Variants in SLIT3 observed in about 807,000 individuals in gnomAD.
SLIT3 encodes the protein slit homolog 3 protein.
A neutral mutation model predicts 184.0 loss-of-function variants in SLIT3; 68 were observed. The observed-to-expected ratio is 0.37, with a 90% CI of 0.30 to 0.45. The LOEUF is 0.45. Among genes scored for constraint, SLIT3 ranks in the 20% least tolerant of loss-of-function variants. The probability of loss-of-function intolerance (pLI) is 1.00; values close to 1 mark genes in which losing one functional copy is unlikely to be tolerated. For synonymous variants in SLIT3, 831 were observed against 828.6 expected, an observed-to-expected ratio of 1.00 and a Z score of -0.05; for missense variants, 1,707 against 2,026.0, an observed-to-expected ratio of 0.84 and a Z score of 3.02.
chr5:169,180,343 G>A (rs902677469), intron 4 of SLIT3, among the ~76,000 whole-genome samples: 2 of 152,222 alleles, frequency 1.3e-5, no homozygotes, highest in Non-Finnish European at 2.9e-5. Context: ...GTCAGATGAT[G>A]TAGTGCAGGA....
At position 169,269,343 on chromosome 5, in the gene SLIT3, C is replaced by T. The variant is rs117625034; in HGVS notation, c.198-17884G>A. Among the ~76,000 whole-genome samples, 573 of 152,376 alleles carry T rather than the reference C, an allele frequency of 3.8e-3. 17 individuals carry two copies. In the East Asian group the frequency reaches 0.072, roughly 19 times the overall value. On this transcript the variant is annotated intron_variant, in intron 1 of 35. Coordinates refer to ENST00000519560, the MANE Select transcript of SLIT3 (RefSeq NM_003062.4). ...AAGACACAGCTGATGCTGTCTTTGG[C>T]CAGGTGCTTAGCACTGGGCTCCTCC...
intron 7 of SLIT3, among the ~76,000 whole-genome samples, chr5:168,820,366 C>A (rs1233610636): frequency 6.6e-6 from 1 of 152,146 alleles, no homozygotes; most frequent in Non-Finnish European, 1.5e-5. Context: ...ACACTGGCTC[C>A]GTGCTTTCTG....
chr5:169,090,430 C>T (rs369663905), intron 4 of SLIT3, among the ~76,000 whole-genome samples: 19 of 152,290 alleles, frequency 1.2e-4, no homozygotes, highest in African/African-American at 4.6e-4. Context: ...CACGGAGTCA[C>T]AGAGCAGAGC....
chr5:168,782,324 T>C (rs1432056001), intron 12 of SLIT3, among the ~76,000 whole-genome samples: 1 of 152,212 alleles, frequency 6.6e-6, no homozygotes, highest in Non-Finnish European at 1.5e-5. Flanking sequence ...TTCCTATGCA[T>C]GTCATGTGAT....
At chr5:169,027,570 C>A (rs913636314) in intron 4 of SLIT3, among the ~76,000 whole-genome samples, 1 of 152,152 alleles carries the variant, frequency 6.6e-6, no homozygotes, top group East Asian at 1.9e-4. Flanking sequence ...TCAAAAGGCA[C>A]CTTTAATCTG....
In SLIT3 at chr5:168,920,808, A is replaced by AT. The variant is rs34055708; in HGVS notation, c.414-37473dup. Among the ~76,000 whole-genome samples, 993 of 151,698 alleles carry AT rather than the reference A, an allele frequency of 6.5e-3. 10 individuals are homozygous for AT. The highest frequency in any genetic ancestry group is 0.022 in the African/African-American group (898 of 41,336). On this transcript the variant is annotated intron_variant, in intron 4 of 35. Coordinates refer to ENST00000519560, the MANE Select transcript of SLIT3 (RefSeq NM_003062.4). Reference sequence around the variant, plus strand: ...TTAAACTCCAAGTCTCTCTCTCCCTATTTTTTTTAAAAAACAGGAATCAGA... The same window carrying AT: ...TTAAACTCCAAGTCTCTCTCTCCCTATTTTTTTTTAAAAAACAGGAATCAGA...
At chr5:168,738,765 C>T (rs532290976) in intron 20 of SLIT3, among the ~76,000 whole-genome samples, 111 of 152,108 alleles carry the variant, frequency 7.3e-4, no homozygotes, top group African/African-American at 2.1e-3. Context: ...GGTGAAACCC[C>T]GTCTCTACTA....
chr5:168,745,330 G>A (rs536243544), intron 20 of SLIT3, among the ~76,000 whole-genome samples: 4 of 152,278 alleles, frequency 2.6e-5, no homozygotes, highest in East Asian at 1.9e-4. Flanking sequence ...TGCTGTGAAC[G>A]TTGTTGAAAT....
At chr5:168,750,137 G>A (rs530561235) in intron 18 of SLIT3, among the ~76,000 whole-genome samples, 55 of 152,164 alleles carry the variant, frequency 3.6e-4, no homozygotes, top group African/African-American at 1.3e-3. Context: ...TTCTGTGCTC[G>A]CCTTGCACCT....
chr5:168,831,250 A>T (rs571959705), intron 6 of SLIT3, among the ~76,000 whole-genome samples: 2 of 124,306 alleles, frequency 1.6e-5, no homozygotes, highest in East Asian at 4.9e-4. Context: ...GCTTGTTTGG[A>T]GTGGGCGATG....
At chr5:169,188,954 G>A (rs1467912784) in intron 4 of SLIT3, among the ~76,000 whole-genome samples, 1 of 152,148 alleles carries the variant, frequency 6.6e-6, no homozygotes, top group Non-Finnish European at 1.5e-5. Context: ...AGCCTAGAAA[G>A]AACAGAAGCC....
intron 4 of SLIT3, among the ~76,000 whole-genome samples, chr5:169,004,064 CTTCTT>C (rs961660458): frequency 6.6e-6 from 1 of 152,078 alleles, no homozygotes; most frequent in African/African-American, 2.4e-5. Flanking sequence ...CATGAAGGCC[CTTCTT>C]TTCTTATCTG....
At chr5:168,956,211 C>T (rs1441921265) in intron 4 of SLIT3, among the ~76,000 whole-genome samples, 2 of 152,172 alleles carry the variant, frequency 1.3e-5, no homozygotes, top group Non-Finnish European at 2.9e-5. Context: ...TCACATATAT[C>T]CAATGTTGAA....
chr5:168,887,225 G>A (rs1030570104), intron 4 of SLIT3, among the ~76,000 whole-genome samples: 8 of 152,058 alleles, frequency 5.3e-5, no homozygotes, highest in African/African-American at 1.7e-4. Flanking sequence ...GGAGGAACAT[G>A]TTCTCCTCTT....
chr5:169,021,579 G>A (rs1228570132), intron 4 of SLIT3, among the ~76,000 whole-genome samples: 1 of 152,124 alleles, frequency 6.6e-6, no homozygotes, highest in East Asian at 1.9e-4. Context: ...TCGAACTCCT[G>A]ACCTCTGGTG....
intron 4 of SLIT3, among the ~76,000 whole-genome samples, chr5:169,062,851 A>G (rs907740505): frequency 2.6e-5 from 4 of 152,162 alleles, no homozygotes; most frequent in African/African-American, 9.7e-5. Context: ...GAAATTCTCA[A>G]AGTAGCTGGG....
intron 4 of SLIT3, among the ~76,000 whole-genome samples, chr5:168,933,331 C>T (rs181861317): frequency 1.1e-3 from 163 of 152,148 alleles, no homozygotes; most frequent in Non-Finnish European, 4.4e-4. Context: ...ATCATGAGCT[C>T]AGGAGATCGA....
At chr5:168,922,841 A>G (rs999569509) in intron 4 of SLIT3, among the ~76,000 whole-genome samples, 4 of 152,220 alleles carry the variant, frequency 2.6e-5, no homozygotes, top group Admixed American at 2.6e-4. Flanking sequence ...TGTGTTGAAT[A>G]TGAAACTATG....
chr5:169,066,312 G>A (rs1164720612), intron 4 of SLIT3, among the ~76,000 whole-genome samples: 1 of 152,162 alleles, frequency 6.6e-6, no homozygotes, highest in Non-Finnish European at 1.5e-5. Flanking sequence ...TTTTGGTAAA[G>A]TAGGACCATC....
Sources: allele counts gnomAD v4.1 joint callset (sites outside exome capture counted in the v4.1 genomes callset), GRCh38; gene constraint gnomAD v4.1.1; transcripts MANE v1.5; gene names NCBI Gene and HGNC (gene_info 2026-07-23, HGNC 2026-07-21).